The following SLC9A9 variants were observed in gnomAD, a reference collection of about 807,000 sequenced individuals.
SLC9A9 encodes sodium/hydrogen exchanger 9.
A neutral mutation model predicts 77.8 loss-of-function variants in SLC9A9; 62 were observed. The observed-to-expected ratio is 0.80, with a 90% CI of 0.65 to 0.98. SLC9A9 has a LOEUF of 0.98. Ranked by LOEUF, SLC9A9 falls within the 50% of genes least tolerant of loss-of-function variation. The pLI is 0.00. For missense variants in SLC9A9, 775 were observed against 774.9 expected (o/e 1.00, Z 0.00); for synonymous variants, 320 against 283.5 (o/e 1.13, Z -1.29).
intron 4 of SLC9A9, among the ~76,000 whole-genome samples, chr3:143,739,248 C>T (rs73009475): frequency 0.018 from 2,794 of 152,218 alleles, 93 homozygotes; most frequent in African/African-American, 0.064. Context: ...ATGAGCTTGT[C>T]ATCACTCCTG....
At chr3:143,703,564 A>T (rs547426538) in intron 4 of SLC9A9, among the ~76,000 whole-genome samples, 2 of 152,240 alleles carry the variant, frequency 1.3e-5, no homozygotes, top group South Asian at 4.2e-4. Context: ...ATACAGCAAA[A>T]GCAGTACTAA....
chr3:143,819,737 A>G (rs988511812), intron 2 of SLC9A9, among the ~76,000 whole-genome samples: 6 of 152,250 alleles, frequency 3.9e-5, no homozygotes, highest in Non-Finnish European at 1.5e-5. Context: ...CTATTTGCCA[A>G]TTAGTCATAA....
chr3:143,448,780 TATA>T (rs921528334), intron 12 of SLC9A9, among the ~76,000 whole-genome samples: 3 of 143,296 alleles, frequency 2.1e-5, no homozygotes, highest in African/African-American at 5.2e-5. Context: ...ATTATTCCAG[TATA>T]ATATGCTTTA....
intron 14 of SLC9A9, among the ~76,000 whole-genome samples, chr3:143,290,841 C>T (rs1469057131): frequency 1.3e-5 from 2 of 152,204 alleles, no homozygotes; most frequent in Non-Finnish European, 2.9e-5. Context: ...CCCTGTATCT[C>T]CCAGACTTCA....
intron 6 of SLC9A9, among the ~76,000 whole-genome samples, chr3:143,631,062 C>T (rs2038416028): frequency 6.6e-6 from 1 of 152,100 alleles, no homozygotes; most frequent in Non-Finnish European, 1.5e-5. Flanking sequence ...AGGATAAGTC[C>T]TTAAATAGAG....
intron 11 of SLC9A9, among the ~76,000 whole-genome samples, chr3:143,484,395 A>G (rs1311547373): frequency 6.6e-6 from 1 of 152,150 alleles, no homozygotes; most frequent in African/African-American, 2.4e-5. Context: ...TCTTCTGGCA[A>G]ATATATTTAA....
chr3:143,495,837 A>C (rs148346937), intron 9 of SLC9A9, among the ~76,000 whole-genome samples: 1 of 152,368 alleles, frequency 6.6e-6, no homozygotes, highest in Non-Finnish European at 1.5e-5. Context: ...CACATTACCC[A>C]GTAGATCCAC....
At chr3:143,507,218 T>C (rs1306627610) in intron 9 of SLC9A9, among the ~76,000 whole-genome samples, 1 of 151,868 alleles carries the variant, frequency 6.6e-6, no homozygotes, top group Non-Finnish European at 1.5e-5. Context: ...TTATTATTTT[T>C]ATTTTTTGAG....
At chr3:143,427,121 T>C (rs960231406) in intron 12 of SLC9A9, among the ~76,000 whole-genome samples, 1 of 152,246 alleles carries the variant, frequency 6.6e-6, no homozygotes, top group Admixed American at 6.5e-5. Flanking sequence ...CTATCAGCAC[T>C]GATGGGATTA....
At chr3:143,765,549 T>C (rs1402665659) in intron 4 of SLC9A9, among the ~76,000 whole-genome samples, 1 of 152,222 alleles carries the variant, frequency 6.6e-6, no homozygotes, top group Non-Finnish European at 1.5e-5. Flanking sequence ...TACTAGTTGT[T>C]CTTTATTGCA....
intron 4 of SLC9A9, among the ~76,000 whole-genome samples, chr3:143,701,108 C>A (rs925665356): frequency 6.6e-5 from 10 of 152,184 alleles, no homozygotes; most frequent in Non-Finnish European, 1.5e-4. Context: ...GCTTGGGGTG[C>A]CCCTGATGCA....
intron 4 of SLC9A9, among the ~76,000 whole-genome samples, chr3:143,783,103 C>T (rs919579499): frequency 5.9e-5 from 9 of 152,202 alleles, no homozygotes; most frequent in Admixed American, 2.0e-4. Flanking sequence ...CTGGTCAGAA[C>T]GACCGTTAAA....
chr3:143,630,527 T>G (rs141559185), intron 6 of SLC9A9, among the ~76,000 whole-genome samples: 49 of 152,328 alleles, frequency 3.2e-4, no homozygotes, highest in Non-Finnish European at 6.2e-4. Flanking sequence ...AGATTATTTC[T>G]GCCTTGACTA....
At chr3:143,763,262 T>C (rs1293178401) in intron 4 of SLC9A9, among the ~76,000 whole-genome samples, 2 of 152,178 alleles carry the variant, frequency 1.3e-5, no homozygotes, top group East Asian at 3.9e-4. Context: ...ACAATGGCAT[T>C]CAAATATCTG....
intron 9 of SLC9A9, among the ~76,000 whole-genome samples, chr3:143,524,813 A>G (rs2036376514): frequency 6.6e-6 from 1 of 152,192 alleles, no homozygotes; most frequent in African/African-American, 2.4e-5. Flanking sequence ...AGATTGGGTT[A>G]GTTCTCATGA....
intron 13 of SLC9A9, among the ~76,000 whole-genome samples, chr3:143,369,239 G>A (rs1340515692): frequency 6.6e-6 from 1 of 152,094 alleles, no homozygotes; most frequent in Non-Finnish European, 1.5e-5. Flanking sequence ...TGATAATTAT[G>A]GTGGTCTTAA....
chr3:143,712,784 C>T (rs1033921424), intron 4 of SLC9A9, among the ~76,000 whole-genome samples: 1 of 152,226 alleles, frequency 6.6e-6, no homozygotes, highest in Non-Finnish European at 1.5e-5. Flanking sequence ...TCAAGAAAAG[C>T]CTTTAGTAAG....
At chr3:143,454,128 G>A (rs1055955893) in intron 12 of SLC9A9, among the ~76,000 whole-genome samples, 5 of 152,090 alleles carry the variant, frequency 3.3e-5, no homozygotes, top group Non-Finnish European at 5.9e-5. Flanking sequence ...TCTGTTCTTC[G>A]TAAGTTTTCC....
chr3:143,617,485 G>T (rs763507331), intron 6 of SLC9A9, among the ~76,000 whole-genome samples: 3 of 152,190 alleles, frequency 2.0e-5, no homozygotes, highest in Non-Finnish European at 4.4e-5. Context: ...GGCTTCATCT[G>T]ATTGCTATGC....
Sources: gnomAD v4.1 joint callset for allele counts (sites outside exome capture counted in the v4.1 genomes callset) on GRCh38, gnomAD v4.1.1 for gene constraint, MANE v1.5 for transcripts, NCBI Gene and HGNC (gene_info 2026-07-23, HGNC 2026-07-21) for gene names.